SF3B3: variants seen among roughly 807,000 people sequenced by gnomAD.
SF3B3 encodes the protein SAP 130.
SF3B3 carries 33 observed loss-of-function variants against 139.2 expected under a neutral mutation model. That is an observed-to-expected ratio of 0.24 (90% confidence interval 0.18 to 0.32). The LOEUF (loss-of-function observed/expected upper bound fraction) is 0.32, where lower values mean the gene tolerates loss of function less well. SF3B3 is among the 10% of genes least tolerant of loss of function. The pLI, the probability that SF3B3 is intolerant of heterozygous loss-of-function variation, is 1.00. For synonymous variants in SF3B3, 596 were observed against 563.6 expected (o/e 1.06, Z -0.81); for missense variants, 818 against 1,509.4 (o/e 0.54, Z 7.59).
At chr16:70,561,112 C>G (rs2050424338) in intron 16 of SF3B3, among the ~76,000 whole-genome samples, 1 of 152,206 alleles carries the variant, frequency 6.6e-6, no homozygotes, top group Non-Finnish European at 1.5e-5. Flanking sequence ...CCTCCGCCTC[C>G]TGGGTTCAAC....
Position 70,555,039 on chromosome 16 carries a change from TACTG to T in SF3B3, c.1555-8_1555-5del. 6.2e-7 allele frequency: 1 copy of T among 1,611,872 alleles called. No individual in the cohort carries two copies. The highest frequency in any genetic ancestry group is 8.5e-7 in the Non-Finnish European group (1 of 1,178,644). Reference sequence around the variant, plus strand: ...TTGTTAAAGTCAGGTTTCTTTCTGTTACTGACTCTAGGTCTATCCAGATGGCATT... The same window carrying T: ...TTGTTAAAGTCAGGTTTCTTTCTGTTACTCTAGGTCTATCCAGATGGCATT... On this transcript the variant is annotated splice_region_variant and splice_polypyrimidine_tract_variant and intron_variant, in intron 12 of 25. Coordinates refer to ENST00000302516, the MANE Select transcript of SF3B3 (RefSeq NM_012426.5).
At chr16:70,540,073 C>A (rs1395491943) in intron 8 of SF3B3, among the ~76,000 whole-genome samples, 2 of 150,668 alleles carry the variant, frequency 1.3e-5, no homozygotes, top group African/African-American at 4.9e-5. Flanking sequence ...CTGCGCCCAG[C>A]AGTACTTAAA....
In SF3B3 at chr16:70,554,273, AG is replaced by A. The variant is rs750894543; in HGVS notation, c.1403-172del. On this transcript the variant is annotated intron_variant, in intron 11 of 25. Transcript: ENST00000302516. ...ATATCTGTAGGCTCTTCTGACCCCT[AG>A]TTTTCTTCTGGATCATTTTGCTCTG... 107 of 572,680 alleles carry A rather than the reference AG, an allele frequency of 1.9e-4. No homozygotes were observed. In the South Asian group the frequency reaches 2.2e-3, roughly 12 times the overall value. The allele number at this position is 572,680 out of a possible 1,614,324, so 35.5% of individuals were successfully genotyped here. A position where few individuals can be genotyped will look rare whatever the true frequency, so the allele number is the denominator to read the frequency against.
Position 70,528,929 on chromosome 16 carries a change from C to G in SF3B3, c.127C>G (p.Pro43Ala). Reference sequence around the variant, plus strand: ...TGGGAAGATCTTGGAGCTGCTTCGCCCAGACCCCAACACTGGCAAAGTACA... The same window carrying G: ...TGGGAAGATCTTGGAGCTGCTTCGCGCAGACCCCAACACTGGCAAAGTACA... ...SRGKILELLR[P>A]DPNTGKVHTL... The change falls in exon 3 of 26, where the codon CCA (proline) becomes GCA (alanine). Residue 43 changes from proline (P) to alanine (A), a missense_variant. Physicochemically the swap from Pro to Ala is conservative, Grantham distance 27 (BLOSUM62 -1). Coordinates refer to ENST00000302516, the MANE Select transcript of SF3B3 (RefSeq NM_012426.5). The G allele has an allele frequency of 1.2e-6, 2 of 1,614,028 alleles. No individual in the cohort carries two copies. The highest frequency in any genetic ancestry group is 1.7e-6 in the Non-Finnish European group (2 of 1,179,984).
chr16:70,527,381 A>G (rs1418828893), intron 2 of SF3B3, among the ~76,000 whole-genome samples: 2 of 152,244 alleles, frequency 1.3e-5, no homozygotes, highest in African/African-American at 2.4e-5. Context: ...TGCAGATTTA[A>G]CATTTTTGAG....
chr16:70,529,501 G>A (rs1399048855), intron 3 of SF3B3: 7 of 344,774 alleles, frequency 2.0e-5, no homozygotes, highest in Non-Finnish European at 2.7e-5. Flanking sequence ...GAATATCGTT[G>A]CTTTCATCAG....
rs187800545 is a variant in SF3B3 at position 70,535,692 on chromosome 16, T to G, written c.825+272T>G. 1.8e-4 allele frequency among the ~76,000 whole-genome samples: 27 copies of G among 152,172 alleles called. 1 individual carries two copies. In the East Asian group the frequency reaches 2.5e-3, roughly 14 times the overall value. ...TATTAATTTGAAATTCCTGAATGTT[T>G]CTAGTTTGGAGAAACCAGGCATATT... On this transcript the variant is annotated intron_variant, in intron 6 of 25. Transcript: ENST00000302516.
chr16:70,551,434 G>A (rs958315027), intron 11 of SF3B3, among the ~76,000 whole-genome samples: 11 of 152,108 alleles, frequency 7.2e-5, no homozygotes, highest in African/African-American at 2.7e-4. Context: ...GTTTTGGGCT[G>A]GGCGCGGTGG....
chr16:70,562,134 T>A (rs1232813195), intron 17 of SF3B3, among the ~76,000 whole-genome samples: 1 of 152,254 alleles, frequency 6.6e-6, no homozygotes, highest in African/African-American at 2.4e-5. Context: ...TGTCTTGTCA[T>A]TTGCGGTATT....
At chr16:70,568,547 C>T (rs759571426) in intron 22 of SF3B3, 52 bp downstream of exon 22, 10 of 1,454,318 alleles carry the variant, frequency 6.9e-6, no homozygotes, top group South Asian at 3.5e-5. Context: ...AAAGCTGGCT[C>T]AGTTTCTTGT....
rs184764172 is a variant in SF3B3, at chr16:70,536,386, C to G, written c.825+966C>G. Reference sequence around the variant, plus strand: ...ATTTTATTTATTTATTTATTTGAGACGGAGTCTCGCTCTGTCACCCAGGCT... The same window carrying G: ...ATTTTATTTATTTATTTATTTGAGAGGGAGTCTCGCTCTGTCACCCAGGCT... On this transcript the variant is annotated intron_variant, in intron 6 of 25. Coordinates refer to ENST00000302516, the MANE Select transcript of SF3B3 (RefSeq NM_012426.5). Among the ~76,000 whole-genome samples, 18 of 152,032 alleles carry G rather than the reference C, an allele frequency of 1.2e-4. No individual in the cohort carries two copies. The East Asian group carries it at 3.3e-3, about 28-fold the overall frequency.
intron 1 of SF3B3, among the ~76,000 whole-genome samples, chr16:70,525,248 A>G (rs58963621): frequency 0.39 from 59,567 of 151,288 alleles, 12,262 homozygotes; most frequent in South Asian, 0.65. Context: ...GGCTGGTCTC[A>G]ATTCCTGACC....
chr16:70,565,596 A>G lies in SF3B3; in HGVS notation c.2826+72A>G, dbSNP rs574758893. 89 of 1,436,908 alleles carry G rather than the reference A, an allele frequency of 6.2e-5. No individual in the cohort carries two copies. The East Asian group carries it at 2.0e-3, about 33-fold the overall frequency. The allele number at this position is 1,436,908 out of a possible 1,614,324, so 89.0% of individuals were successfully genotyped here. On this transcript the variant is annotated intron_variant, in intron 20 of 25. Coordinates refer to ENST00000302516, the MANE Select transcript of SF3B3 (RefSeq NM_012426.5). ...TCTCTCACTTTTGCTTATGTTATGG[A>G]TCAGGTCTTTTGGGGACCAGCTCCT...
At chr16:70,555,016 G>T in intron 12 of SF3B3, 35 bp from the exon 13 acceptor site, 1 of 1,602,732 alleles carries the variant, frequency 6.2e-7, no homozygotes. Flanking sequence ...GAATCAAATT[G>T]TTAAAGTCAG....
rs764318384 is a variant in SF3B3 at position 70,538,306 on chromosome 16, G to C, written c.826-17G>C. The C allele has an allele frequency of 2.5e-6, 4 of 1,611,464 alleles. No homozygotes were observed. Among genetic ancestry groups the C allele is most frequent in the Non-Finnish European group, 3.4e-6 (4 of 1,178,130 alleles). On this transcript the variant is annotated splice_polypyrimidine_tract_variant and intron_variant, in intron 6 of 25. Coordinates refer to ENST00000302516, the MANE Select transcript of SF3B3 (RefSeq NM_012426.5). ...TACCCATTTCTAAGACATTGATTGTGTTTTTGACTTTGCTAGAATGACCTG... is the reference window on the plus strand; with the variant it reads ...TACCCATTTCTAAGACATTGATTGTCTTTTTGACTTTGCTAGAATGACCTG...
At chr16:70,571,246 C>A in intron 25 of SF3B3, 47 bp downstream of exon 25, 1 of 1,364,700 alleles carries the variant, frequency 7.3e-7, no homozygotes, top group Non-Finnish European at 1.0e-6. Context: ...GAGAAAGGAG[C>A]AGCACAGGGA....
At chr16:70,567,591 A>T in intron 21 of SF3B3, 55 bp downstream of exon 21, 2 of 1,561,096 alleles carry the variant, frequency 1.3e-6, no homozygotes, top group Non-Finnish European at 1.7e-6. Flanking sequence ...GGGTGGGGGC[A>T]TTGGTGGGGT....
At position 70,530,927 on chromosome 16, in the gene SF3B3, A is replaced by AC; in HGVS notation, c.570+13dup. The AC allele has an allele frequency of 6.3e-7, 1 of 1,588,992 alleles. No homozygotes were observed. Among genetic ancestry groups the AC allele is most frequent in the Non-Finnish European group, 8.5e-7 (1 of 1,170,066 alleles). On this transcript the variant is annotated intron_variant, in intron 4 of 25. Transcript: ENST00000302516. ...GGAAATGGATTATGAGGTAATGGGG[A>AC]CCCTGTCTCTTTGCGTTTCTTTCAG...
In SF3B3 at chr16:70,568,899, C is replaced by G. The variant is rs1367536185; in HGVS notation, c.3166-144C>G. ...CAGACACAGCTCCTGCCCACCAGAGCAGGTGCAGGACACGTGGGCTCAGGC... is the reference window on the plus strand; with the variant it reads ...CAGACACAGCTCCTGCCCACCAGAGGAGGTGCAGGACACGTGGGCTCAGGC... On this transcript the variant is annotated intron_variant, in intron 22 of 25. Coordinates refer to ENST00000302516, the MANE Select transcript of SF3B3 (RefSeq NM_012426.5). 11 of 589,474 alleles carry G rather than the reference C, an allele frequency of 1.9e-5. No individual in the cohort carries two copies. In the East Asian group the frequency reaches 3.1e-4, roughly 17 times the overall value. 36.5% of individuals were successfully genotyped at this position (589,474 alleles called of 1,614,324 possible). A position where few individuals can be genotyped will look rare whatever the true frequency, so the allele number is the denominator to read the frequency against.
Sources: allele counts gnomAD v4.1 joint callset (sites outside exome capture counted in the v4.1 genomes callset), GRCh38; gene constraint gnomAD v4.1.1; transcripts MANE v1.5; gene names NCBI Gene and HGNC (gene_info 2026-07-23, HGNC 2026-07-21).